The following RBFOX1 variants were observed in gnomAD, a reference collection of about 807,000 sequenced individuals.
RBFOX1 encodes the protein RNA binding protein fox-1 homolog 1.
Under a neutral mutation model 57.7 loss-of-function variants are expected in RBFOX1, and 8 were observed. The observed-to-expected ratio is 0.14, with a 90% CI of 0.08 to 0.25. RBFOX1 has a LOEUF of 0.25. RBFOX1 is among the 10% of genes least tolerant of loss of function. RBFOX1 has a pLI of 1.00. For synonymous variants in RBFOX1, 326 were observed against 222.4 expected (o/e 1.47, Z -4.15); for missense variants, 611 against 548.5 (o/e 1.11, Z -1.14).
chr16:6,395,848 C>T (rs74502259), intron 2 of RBFOX1, among the ~76,000 whole-genome samples: 9,077 of 151,736 alleles, frequency 0.06, 472 homozygotes, highest in Non-Finnish European at 0.084. Flanking sequence ...GGTGGATTGC[C>T]TGAGCTCAGG....
At chr16:6,774,384 G>A (rs1462506974) in intron 3 of RBFOX1, among the ~76,000 whole-genome samples, 1 of 152,128 alleles carries the variant, frequency 6.6e-6, no homozygotes, top group African/African-American at 2.4e-5. Flanking sequence ...AACAAATTGA[G>A]CAATTGTGGT....
rs561052319 is a variant in RBFOX1, at chr16:6,494,555, A to T, written c.-63-160048A>T. On this transcript the variant is annotated intron_variant, in intron 2 of 15. Transcript: ENST00000550418. ...TTACATCAGTAATTTTGCATGGTAT[A>T]TATATGTACCACAGCTTAACCATTC... Among the ~76,000 whole-genome samples the T allele has an allele frequency of 3.3e-5, 5 of 152,328 alleles. No homozygotes were observed. In the South Asian group the frequency reaches 1.0e-3, roughly 32 times the overall value.
chr16:6,532,192 C>G (rs1038039891), intron 2 of RBFOX1, among the ~76,000 whole-genome samples: 17 of 152,140 alleles, frequency 1.1e-4, no homozygotes, highest in Non-Finnish European at 2.1e-4. Flanking sequence ...TTAGGAAACT[C>G]TTTATCTTCC....
chr16:6,606,548 G>A (rs2097929585), intron 2 of RBFOX1, among the ~76,000 whole-genome samples: 1 of 152,078 alleles, frequency 6.6e-6, no homozygotes, highest in South Asian at 2.1e-4. Flanking sequence ...CCCATTGTGT[G>A]TAGTTCCCCT....
chr16:7,138,836 T>C (rs1419014296), intron 4 of RBFOX1, among the ~76,000 whole-genome samples: 2 of 152,072 alleles, frequency 1.3e-5, no homozygotes, highest in Admixed American at 6.6e-5. Context: ...TAAGATGGAG[T>C]CTGGCTCTGC....
chr16:7,319,659 G>T (rs1299645445), intron 4 of RBFOX1, among the ~76,000 whole-genome samples: 1 of 152,290 alleles, frequency 6.6e-6, no homozygotes, highest in East Asian at 1.9e-4. Flanking sequence ...GGGCACCTGA[G>T]TGTTGGTGCC....
chr16:6,140,493 G>C (rs1333335631), intron 1 of RBFOX1, among the ~76,000 whole-genome samples: 2 of 152,148 alleles, frequency 1.3e-5, no homozygotes, highest in Admixed American at 6.5e-5. Flanking sequence ...CCTGTGCCCA[G>C]CCAGAAATGC....
At chr16:7,097,202 G>A (rs955120497) in intron 4 of RBFOX1, among the ~76,000 whole-genome samples, 1 of 152,166 alleles carries the variant, frequency 6.6e-6, no homozygotes, top group Admixed American at 6.5e-5. Flanking sequence ...TAGGACCTGA[G>A]AGTTAGGAAA....
intron 3 of RBFOX1, among the ~76,000 whole-genome samples, chr16:7,039,829 AG>A (rs2045613943): frequency 6.6e-6 from 1 of 152,162 alleles, no homozygotes; most frequent in Admixed American, 6.5e-5. Context: ...ATGAGACCCT[AG>A]AAGCAGACGA....
intron 5 of RBFOX1, among the ~76,000 whole-genome samples, chr16:7,540,078 C>A (rs1211651528): frequency 6.6e-6 from 1 of 152,204 alleles, no homozygotes; most frequent in Non-Finnish European, 1.5e-5. Flanking sequence ...ATTATTGCTA[C>A]TGCTTTGCAG....
intron 4 of RBFOX1, among the ~76,000 whole-genome samples, chr16:7,262,944 G>A (rs1567943939): frequency 6.6e-6 from 1 of 152,184 alleles, no homozygotes; most frequent in African/African-American, 2.4e-5. Context: ...CTGGACAAGA[G>A]AGTAAAATTT....
At chr16:6,731,199 T>C (rs2068494528) in intron 3 of RBFOX1, among the ~76,000 whole-genome samples, 1 of 152,106 alleles carries the variant, frequency 6.6e-6, no homozygotes, top group Admixed American at 6.6e-5. Context: ...GGAAGATACA[T>C]ATCAGATCCT....
intron 3 of RBFOX1, among the ~76,000 whole-genome samples, chr16:5,647,574 TCTC>T (rs1368787913): frequency 4.6e-5 from 7 of 151,994 alleles, no homozygotes; most frequent in African/African-American, 1.7e-4. Context: ...CCCCACCTCT[TCTC>T]CTTTCCCTTT....
chr16:6,526,928 A>C (rs1217955968), intron 2 of RBFOX1, among the ~76,000 whole-genome samples: 1 of 151,750 alleles, frequency 6.6e-6, no homozygotes, highest in Non-Finnish European at 1.5e-5. Context: ...TAAAAGATAT[A>C]ATCACAGAGA....
At chr16:6,273,236 G>A (rs1599048181) in intron 1 of RBFOX1, among the ~76,000 whole-genome samples, 1 of 151,638 alleles carries the variant, frequency 6.6e-6, no homozygotes, top group Non-Finnish European at 1.5e-5. Context: ...TCCAGCCTGG[G>A]CAGCAGAGTG....
chr16:6,130,996 G>A (rs961190218), intron 1 of RBFOX1, among the ~76,000 whole-genome samples: 20 of 152,198 alleles, frequency 1.3e-4, no homozygotes, highest in Non-Finnish European at 2.6e-4. Flanking sequence ...AGTGATGTAT[G>A]CACTGATGTG....
chr16:5,998,600 G>A (rs1032010907), intron 4 of RBFOX1, among the ~76,000 whole-genome samples: 1 of 152,154 alleles, frequency 6.6e-6, no homozygotes, highest in Non-Finnish European at 1.5e-5. Flanking sequence ...TTTCACTGAA[G>A]CAAGGTTGTG....
intron 4 of RBFOX1, among the ~76,000 whole-genome samples, chr16:7,156,606 C>T (rs757950386): frequency 1.3e-5 from 2 of 151,974 alleles, no homozygotes; most frequent in Non-Finnish European, 2.9e-5. Flanking sequence ...TATATGTGTA[C>T]ATATATATGT....
intron 2 of RBFOX1, among the ~76,000 whole-genome samples, chr16:5,498,597 A>G (rs188320019): frequency 1.1e-3 from 167 of 152,274 alleles, no homozygotes; most frequent in African/African-American, 3.7e-3. Flanking sequence ...ATGTTTTAGG[A>G]GGCTGTGGCT....
Sources: gnomAD v4.1 joint callset for allele counts (sites outside exome capture counted in the v4.1 genomes callset) on GRCh38, gnomAD v4.1.1 for gene constraint, MANE v1.5 for transcripts, NCBI Gene and HGNC (gene_info 2026-07-23, HGNC 2026-07-21) for gene names.